Variants in KLRG1 observed in about 807,000 individuals in gnomAD.
The protein encoded by KLRG1 is killer cell lectin like receptor G1.
A neutral mutation model predicts 21.8 loss-of-function variants in KLRG1; 16 were observed. The observed-to-expected ratio is 0.73, with a 90% CI of 0.50 to 1.11. KLRG1 has a LOEUF of 1.11. KLRG1 is among the 50% of genes most tolerant of loss of function. The pLI is 0.00. For synonymous variants in KLRG1, 69 were observed against 75.9 expected, an observed-to-expected ratio of 0.91 and a Z score of 0.47; for missense variants, 173 against 218.3, an observed-to-expected ratio of 0.79 and a Z score of 1.31.
chr12:9,138,411 T>C, the KLRG1 span, among the ~76,000 whole-genome samples: 1 of 152,072 alleles, frequency 6.6e-6, no homozygotes, highest in Admixed American at 6.5e-5. Flanking sequence ...TATTTCCTAA[T>C]ATTTTTAAAA....
the KLRG1 span, among the ~76,000 whole-genome samples, chr12:9,131,652 G>A: frequency 1.9e-4 from 29 of 151,990 alleles, no homozygotes; most frequent in African/African-American, 6.3e-4. Flanking sequence ...TACCTAGCAC[G>A]CACTGTGTAC....
the KLRG1 span, chr12:9,152,270 C>G: frequency 6.2e-7 from 1 of 1,613,214 alleles, no homozygotes; most frequent in Non-Finnish European, 8.5e-7. Flanking sequence ...ATCTTTACAT[C>G]AACAATCACC....
At chr12:9,029,053 G>A in the KLRG1 span, 25 of 534,074 alleles carry the variant, frequency 4.7e-5, no homozygotes, top group Admixed American at 2.0e-4. Context: ...AGCTTCCTCC[G>A]CTGGTCAGGC....
At chr12:9,033,279 A>G in the KLRG1 span, among the ~76,000 whole-genome samples, 2 of 152,286 alleles carry the variant, frequency 1.3e-5, no homozygotes, top group African/African-American at 4.8e-5. Context: ...TCTAACAAAA[A>G]TAAAAAAATA....
At chr12:9,151,737 G>T in the KLRG1 span, 1 of 1,324,898 alleles carries the variant, frequency 7.5e-7, no homozygotes, top group Non-Finnish European at 1.1e-6. Context: ...GTGAGATCTA[G>T]AGCAGATTGT....
the KLRG1 span, among the ~76,000 whole-genome samples, chr12:9,210,255 GAGT>G: frequency 2.0e-4 from 31 of 152,244 alleles, no homozygotes; most frequent in Non-Finnish European, 3.7e-4. Context: ...TCAATCTGAT[GAGT>G]GAAGCAGTAT....
the KLRG1 span, chr12:9,202,621 G>A: frequency 1.2e-6 from 2 of 1,614,056 alleles, no homozygotes; most frequent in Non-Finnish European, 1.7e-6. Flanking sequence ...CTGAAATCTT[G>A]CGTAGGCCCC....
chr12:9,036,886 G>A, the KLRG1 span: 2 of 375,654 alleles, frequency 5.3e-6, no homozygotes, highest in African/African-American at 4.3e-5. Context: ...AATAACTGTA[G>A]TGGGCTACCG....
rs1356197244 is a variant in KLRG1 at position 9,009,475 on chromosome 12, G to C, written c.508G>C (p.Gly170Arg). The change falls in exon 5 of 5, where the codon GGT (glycine) becomes CGT (arginine). Residue 170 changes from glycine (G) to arginine (R), a missense_variant. Physicochemically the swap from Gly to Arg is moderately radical, Grantham distance 125 (BLOSUM62 -2). Coordinates refer to ENST00000356986, the MANE Select transcript of KLRG1 (RefSeq NM_005810.4). ...GACATGCGGTGCCATCAACAAAAAT[G>C]GTCTTCAAGCCTCAAGCTGTGAAGT... ...VQTCGAINKN[G>R]LQASSCEVPL... 1 of 1,613,776 alleles carries C rather than the reference G, an allele frequency of 6.2e-7. No homozygotes were observed. Among genetic ancestry groups the C allele is most frequent in the Non-Finnish European group, 8.5e-7 (1 of 1,179,912 alleles).
the KLRG1 span, chr12:9,101,765 T>G: frequency 2.0e-6 from 2 of 978,932 alleles, no homozygotes; most frequent in Non-Finnish European, 3.0e-6. Context: ...TGTCCTACCT[T>G]AACTAGTAGC....
chr12:9,178,539 A>C, the KLRG1 span, among the ~76,000 whole-genome samples: 1 of 152,206 alleles, frequency 6.6e-6, no homozygotes, highest in African/African-American at 2.4e-5. Flanking sequence ...AAGAAAAAAT[A>C]ATGTATGCTG....
the KLRG1 span, among the ~76,000 whole-genome samples, chr12:9,179,026 T>C: frequency 1.3e-5 from 2 of 152,218 alleles, no homozygotes; most frequent in Non-Finnish European, 2.9e-5. Context: ...GATAAGTTGA[T>C]TGACCCTTTT....
chr12:9,095,134 C>T, the KLRG1 span: 1 of 936,268 alleles, frequency 1.1e-6, no homozygotes, highest in Non-Finnish European at 1.6e-6. Context: ...ATAAAATATA[C>T]ATAGGTAGCT....
chr12:9,028,149 C>CTTT, the KLRG1 span: 3,199 of 481,174 alleles, frequency 6.6e-3, no homozygotes, highest in South Asian at 0.013. Flanking sequence ...TCGTCTTCTT[C>CTTT]TTTTTTTTTT....
At chr12:9,030,226 G>A in the KLRG1 span, among the ~76,000 whole-genome samples, 5 of 152,178 alleles carry the variant, frequency 3.3e-5, no homozygotes, top group African/African-American at 1.2e-4. Context: ...AGAACGGGTA[G>A]TGGATGGGGT....
At chr12:9,132,131 C>G in the KLRG1 span, among the ~76,000 whole-genome samples, 23 of 152,272 alleles carry the variant, frequency 1.5e-4, no homozygotes, top group Non-Finnish European at 1.3e-4. Context: ...AGCAAAGTAA[C>G]AAGCAGGGGG....
At chr12:9,160,183 A>G in the KLRG1 span, 1,065 of 1,087,066 alleles carry the variant, frequency 9.8e-4, 9 homozygotes, top group African/African-American at 0.013. Flanking sequence ...ACAACATCCT[A>G]TTAGAGTGTG....
At chr12:9,106,435 G>T in the KLRG1 span, 1 of 1,430,774 alleles carries the variant, frequency 7.0e-7, no homozygotes, top group Non-Finnish European at 9.8e-7. Context: ...TTCATTATTT[G>T]GCTAAGAAAA....
the KLRG1 span, among the ~76,000 whole-genome samples, chr12:9,136,050 G>C: frequency 6.6e-6 from 1 of 152,174 alleles, no homozygotes; most frequent in Non-Finnish European, 1.5e-5. Flanking sequence ...CTTTTACCTA[G>C]CAAATATTTC....
Sources: gnomAD v4.1 joint callset for allele counts (sites outside exome capture counted in the v4.1 genomes callset) on GRCh38, gnomAD v4.1.1 for gene constraint, MANE v1.5 for transcripts, NCBI Gene and HGNC (gene_info 2026-07-23, HGNC 2026-07-21) for gene names.